The following DTNB variants were observed in gnomAD, a reference collection of about 807,000 sequenced individuals.
The protein encoded by DTNB is DTN-B.
A neutral mutation model predicts 90.7 loss-of-function variants in DTNB; 63 were observed. That is an observed-to-expected ratio of 0.69 (90% CI 0.57 to 0.86). The LOEUF is 0.86. Among genes scored for constraint, DTNB ranks in the 40% least tolerant of loss-of-function variants. The pLI is 0.00. For missense variants in DTNB, 744 were observed against 807.1 expected, an observed-to-expected ratio of 0.92 and a Z score of 0.95; for synonymous variants, 277 against 286.7, an observed-to-expected ratio of 0.97 and a Z score of 0.34.
chr2:25,464,114 G>A (rs1006467807), intron 10 of DTNB, among the ~76,000 whole-genome samples: 7 of 152,180 alleles, frequency 4.6e-5, no homozygotes, highest in African/African-American at 1.7e-4. Context: ...TCGCCATGTT[G>A]GCCAGGCTGG....
At chr2:25,430,710 G>A (rs1326334346) in intron 14 of DTNB, among the ~76,000 whole-genome samples, 1 of 152,204 alleles carries the variant, frequency 6.6e-6, no homozygotes, top group East Asian at 1.9e-4. Context: ...TTCACCCAGT[G>A]GGGAAGGTGG....
chr2:25,573,668 G>A (rs754709837), intron 8 of DTNB, among the ~76,000 whole-genome samples: 17 of 152,094 alleles, frequency 1.1e-4, no homozygotes, highest in South Asian at 2.1e-4. Flanking sequence ...GGTGTGAGGC[G>A]TGCCTTCCAA....
chr2:25,434,116 C>A, intron 12 of DTNB, 121 bp from the exon 13 acceptor site: 2 of 846,090 alleles, frequency 2.4e-6, no homozygotes, highest in Non-Finnish European at 3.6e-6. Flanking sequence ...TAAATCCACC[C>A]GTTTTAAGTA....
intron 9 of DTNB, among the ~76,000 whole-genome samples, chr2:25,505,890 A>G (rs1029794334): frequency 2.6e-5 from 4 of 152,196 alleles, no homozygotes; most frequent in Non-Finnish European, 4.4e-5. Flanking sequence ...CTTTACTTCT[A>G]TATCAATTAT....
chr2:25,533,825 C>T (rs966274024), intron 8 of DTNB, among the ~76,000 whole-genome samples: 27 of 152,300 alleles, frequency 1.8e-4, no homozygotes, highest in African/African-American at 6.3e-4. Context: ...GAAGACTTTC[C>T]TCACTGCTCC....
At chr2:25,672,203 C>CAAA (rs5829985) in intron 1 of DTNB, among the ~76,000 whole-genome samples, 696 of 42,504 alleles carry the variant, frequency 0.016, 40 homozygotes, top group Middle Eastern at 0.025. Context: ...CCTCGCATAG[C>CAAA]AAAAAAAAAA....
intron 16 of DTNB, among the ~76,000 whole-genome samples, chr2:25,414,245 GT>G (rs1332095610): frequency 1.3e-5 from 2 of 152,032 alleles, no homozygotes; most frequent in Non-Finnish European, 2.9e-5. Context: ...CACTCTGATG[GT>G]AGTTTTTTTT....
intron 6 of DTNB, among the ~76,000 whole-genome samples, chr2:25,589,809 C>T (rs184219203): frequency 1.2e-4 from 19 of 152,276 alleles, no homozygotes; most frequent in Admixed American, 6.5e-4. Flanking sequence ...GCACCTTTGC[C>T]GGAGTTTTGC....
chr2:25,575,922 TA>T (rs11348953), intron 8 of DTNB, among the ~76,000 whole-genome samples: 10,660 of 152,230 alleles, frequency 0.07, 1,184 homozygotes, highest in African/African-American at 0.24. Flanking sequence ...TAATTGATGA[TA>T]ACCATGTTAC....
intron 1 of DTNB, among the ~76,000 whole-genome samples, chr2:25,666,981 C>G (rs546279331): frequency 1.3e-5 from 2 of 152,102 alleles, no homozygotes; most frequent in African/African-American, 4.8e-5. Flanking sequence ...GCCTCAGGAC[C>G]ATACTCTATG....
chr2:25,623,073 A>C (rs1211316448), intron 4 of DTNB, among the ~76,000 whole-genome samples: 1 of 152,204 alleles, frequency 6.6e-6, no homozygotes, highest in Non-Finnish European at 1.5e-5. Context: ...AAGAGGAAAG[A>C]AGTAGAAATG....
intron 9 of DTNB, among the ~76,000 whole-genome samples, chr2:25,514,741 T>C (rs901375020): frequency 1.6e-4 from 23 of 139,796 alleles, no homozygotes; most frequent in Admixed American, 6.3e-4. Context: ...CACGCTGGAG[T>C]GCAGTGGCTC....
At chr2:25,529,016 T>C (rs909938713) in intron 9 of DTNB, among the ~76,000 whole-genome samples, 1 of 152,144 alleles carries the variant, frequency 6.6e-6, no homozygotes, top group Non-Finnish European at 1.5e-5. Context: ...CTCAACAAAA[T>C]GTTATGAGGA....
intron 12 of DTNB, among the ~76,000 whole-genome samples, chr2:25,446,171 G>A (rs1558558833): frequency 2.0e-5 from 3 of 151,936 alleles, no homozygotes; most frequent in South Asian, 2.1e-4. Context: ...CTATTCAACC[G>A]TCTGTTTTTA....
At chr2:25,381,129 C>T (rs1412512581) in intron 19 of DTNB, among the ~76,000 whole-genome samples, 4 of 152,222 alleles carry the variant, frequency 2.6e-5, no homozygotes, top group Non-Finnish European at 5.9e-5. Context: ...GCCAGAGATG[C>T]AGCTGTTATG....
At chr2:25,538,966 T>A (rs1009856904) in intron 8 of DTNB, among the ~76,000 whole-genome samples, 2 of 152,240 alleles carry the variant, frequency 1.3e-5, no homozygotes, top group Non-Finnish European at 2.9e-5. Context: ...TTATGCATAA[T>A]ACATTGTTTA....
At chr2:25,537,602 C>T (rs1366788509) in intron 8 of DTNB, among the ~76,000 whole-genome samples, 1 of 152,210 alleles carries the variant, frequency 6.6e-6, no homozygotes, top group Non-Finnish European at 1.5e-5. Context: ...TGTCTAAACA[C>T]ATGAATAAGG....
At chr2:25,458,185 G>C (rs953748697) in intron 10 of DTNB, among the ~76,000 whole-genome samples, 5 of 152,108 alleles carry the variant, frequency 3.3e-5, no homozygotes, top group African/African-American at 1.2e-4. Context: ...TTCATTTAAT[G>C]AATCAATTTT....
intron 11 of DTNB, among the ~76,000 whole-genome samples, chr2:25,454,726 A>T (rs1004463094): frequency 1.6e-4 from 25 of 152,234 alleles, no homozygotes; most frequent in Non-Finnish European, 3.4e-4. Flanking sequence ...TTCCATCCCA[A>T]ACCACTGAAG....
Sources: gnomAD v4.1 joint callset for allele counts (sites outside exome capture counted in the v4.1 genomes callset) on GRCh38, gnomAD v4.1.1 for gene constraint, MANE v1.5 for transcripts, NCBI Gene and HGNC (gene_info 2026-07-23, HGNC 2026-07-21) for gene names.